The following DGCR2 variants were observed in gnomAD, a reference collection of about 807,000 sequenced individuals.
DGCR2 encodes the protein integral membrane protein DGCR2/IDD.
In DGCR2, 24 loss-of-function variants were observed where a neutral mutation model predicts 51.6. That is an observed-to-expected ratio of 0.47 (90% CI 0.34 to 0.65). The LOEUF (loss-of-function observed/expected upper bound fraction) is 0.65. Among genes scored for constraint, DGCR2 ranks in the 30% least tolerant of loss-of-function variants. DGCR2 has a pLI of 0.01. For synonymous variants in DGCR2, 340 were observed against 315.4 expected, an observed-to-expected ratio of 1.08 and a Z score of -0.82; for missense variants, 765 against 772.1, an observed-to-expected ratio of 0.99 and a Z score of 0.11.
chr22:19,117,147 GA>G (rs1270170598), intron 1 of DGCR2, among the ~76,000 whole-genome samples: 2 of 152,132 alleles, frequency 1.3e-5, no homozygotes, highest in Non-Finnish European at 2.9e-5. Flanking sequence ...GTCACTGCTA[GA>G]AGGACACCTG....
chr22:19,052,923 A>T (rs971512737), intron 6 of DGCR2, among the ~76,000 whole-genome samples: 4 of 152,232 alleles, frequency 2.6e-5, no homozygotes, highest in Non-Finnish European at 5.9e-5. Flanking sequence ...GATACCTGAC[A>T]AAGGCCAGAC....
At chr22:19,108,553 C>T (rs991824633) in intron 1 of DGCR2, among the ~76,000 whole-genome samples, 7 of 116,722 alleles carry the variant, frequency 6.0e-5, no homozygotes, top group Non-Finnish European at 8.3e-5. Flanking sequence ...CCAGCCTGGG[C>T]AACAGAGAAT....
intron 2 of DGCR2, among the ~76,000 whole-genome samples, chr22:19,070,264 C>A (rs1467959739): frequency 1.3e-5 from 2 of 152,146 alleles, no homozygotes; most frequent in Non-Finnish European, 2.9e-5. Context: ...AGCTTCTGGG[C>A]CTGAGACTGG....
At chr22:19,101,200 C>T (rs2083198196) in intron 1 of DGCR2, among the ~76,000 whole-genome samples, 1 of 152,164 alleles carries the variant, frequency 6.6e-6, no homozygotes, top group South Asian at 2.1e-4. Flanking sequence ...CAAATGCTCA[C>T]GATTCCACTC....
intron 2 of DGCR2, among the ~76,000 whole-genome samples, chr22:19,083,703 C>CT (rs2082968806): frequency 1.7e-5 from 2 of 119,820 alleles, no homozygotes; most frequent in South Asian, 3.2e-4. Flanking sequence ...CCCCCTCCCC[C>CT]TCCCCCTCTC....
intron 2 of DGCR2, among the ~76,000 whole-genome samples, chr22:19,072,992 C>A (rs905016399): frequency 2.0e-5 from 3 of 152,120 alleles, no homozygotes; most frequent in Admixed American, 2.0e-4. Flanking sequence ...TGCAGTGGCT[C>A]ACACCTGTAA....
chr22:19,063,091 GCACAGC>G, intron 5 of DGCR2, 105 bp downstream of exon 5: 6 of 1,039,390 alleles, frequency 5.8e-6, no homozygotes, highest in Non-Finnish European at 8.7e-6. Context: ...CCCACTCCCT[GCACAGC>G]ACCCCTACGG....
intron 8 of DGCR2, 29 bp from the exon 9 acceptor site, chr22:19,041,323 C>A: frequency 6.2e-7 from 1 of 1,605,842 alleles, no homozygotes; most frequent in Admixed American, 1.7e-5. Context: ...GCAACGGGAA[C>A]AGAGACAAGT....
chr22:19,108,359 C>T (rs1215051473), intron 1 of DGCR2, among the ~76,000 whole-genome samples: 1 of 151,924 alleles, frequency 6.6e-6, no homozygotes, highest in Non-Finnish European at 1.5e-5. Flanking sequence ...TCACTTGAGC[C>T]CAGGAGTTGG....
At chr22:19,041,427 C>G in intron 8 of DGCR2, 133 bp from the exon 9 acceptor site, 2 of 854,610 alleles carry the variant, frequency 2.3e-6, no homozygotes, top group Non-Finnish European at 1.8e-6. Context: ...CTGCCTACCC[C>G]TCGGCCACAT....
At chr22:19,074,753 T>C (rs568115744) in intron 2 of DGCR2, among the ~76,000 whole-genome samples, 1 of 152,242 alleles carries the variant, frequency 6.6e-6, no homozygotes, top group East Asian at 1.9e-4. Context: ...AAACTAAAAA[T>C]TTGAAGTAGA....
chr22:19,081,397 T>A (rs1351212052), intron 2 of DGCR2, among the ~76,000 whole-genome samples: 1 of 152,260 alleles, frequency 6.6e-6, no homozygotes, highest in Non-Finnish European at 1.5e-5. Flanking sequence ...TTCTCTATAT[T>A]GTGCCATATG....
At chr22:19,064,092 T>TA (rs1396794849) in intron 4 of DGCR2, among the ~76,000 whole-genome samples, 1 of 152,212 alleles carries the variant, frequency 6.6e-6, no homozygotes, top group Admixed American at 6.5e-5. Context: ...AGCTCCTGCC[T>TA]AGTCCATGTC....
At chr22:19,114,149 A>G (rs2083348616) in intron 1 of DGCR2, among the ~76,000 whole-genome samples, 1 of 149,264 alleles carries the variant, frequency 6.7e-6, no homozygotes, top group Non-Finnish European at 1.5e-5. Flanking sequence ...TTTGTTACCA[A>G]AGGAAAAAAA....
Position 19,041,215 on chromosome 22 carries a change from C to T in DGCR2, c.1239G>A (p.Leu413=). 6.2e-7 allele frequency: 1 copy of T among 1,614,140 alleles called. No homozygotes were observed. The highest frequency in any genetic ancestry group is 8.5e-7 in the Non-Finnish European group (1 of 1,180,006). ...CACCCTCTCCGTCGTCAGAAAGATGCAGCGGCGTGAGGCCCGTGCCAAACC... is the reference window on the plus strand; with the variant it reads ...CACCCTCTCCGTCGTCAGAAAGATGTAGCGGCGTGAGGCCCGTGCCAAACC... ...PDGFGTGLTP[L]HLSDDGEGGT... is the part of the protein sequence containing the mutation. The change falls in exon 9 of 10, where the codon CTG becomes CTA. Residue 413 remains leucine, a synonymous_variant. Coordinates refer to ENST00000263196, the MANE Select transcript of DGCR2 (RefSeq NM_005137.3).
intron 8 of DGCR2, 24 bp from the exon 9 acceptor site, chr22:19,041,318 G>A (rs369697915): frequency 2.3e-5 from 37 of 1,608,548 alleles, no homozygotes; most frequent in African/African-American, 1.5e-4. Flanking sequence ...AGTGTGCAAC[G>A]GGAACAGAGA....
chr22:19,039,596 G>T (rs540912390), intron 9 of DGCR2, among the ~76,000 whole-genome samples: 2 of 152,196 alleles, frequency 1.3e-5, no homozygotes, highest in African/African-American at 4.8e-5. Flanking sequence ...CCGGAGTGTG[G>T]GCAACAGGGC....
intron 4 of DGCR2, among the ~76,000 whole-genome samples, chr22:19,064,025 G>A (rs888181758): frequency 6.6e-6 from 1 of 152,212 alleles, no homozygotes; most frequent in Non-Finnish European, 1.5e-5. Context: ...GCCTGCTCCT[G>A]AGCATGCAGG....
chr22:19,120,186 C>T (rs1390222020), intron 1 of DGCR2, among the ~76,000 whole-genome samples: 2 of 152,192 alleles, frequency 1.3e-5, no homozygotes, highest in East Asian at 1.9e-4. Flanking sequence ...CAACTCAAGA[C>T]GCCTCCAGGG....
Sources: gnomAD v4.1 joint callset for allele counts (sites outside exome capture counted in the v4.1 genomes callset) on GRCh38, gnomAD v4.1.1 for gene constraint, MANE v1.5 for transcripts, NCBI Gene and HGNC (gene_info 2026-07-23, HGNC 2026-07-21) for gene names.